The following TMEFF2 variants were observed in gnomAD, a reference collection of about 807,000 sequenced individuals.
The protein encoded by TMEFF2 is tomoregulin-2.
TMEFF2 carries 28 observed loss-of-function variants against 53.8 expected under a neutral mutation model. That is an observed-to-expected ratio of 0.52 (90% CI 0.39 to 0.71). TMEFF2 has a LOEUF of 0.71. Among genes scored for constraint, TMEFF2 ranks in the 30% least tolerant of loss-of-function variants. TMEFF2 has a pLI of 0.00. For synonymous variants in TMEFF2, 162 were observed against 166.3 expected, an observed-to-expected ratio of 0.97 and a Z score of 0.20; for missense variants, 353 against 455.2, an observed-to-expected ratio of 0.78 and a Z score of 2.04.
At chr2:192,167,774 G>T (rs560751089) in intron 4 of TMEFF2, among the ~76,000 whole-genome samples, 33 of 152,170 alleles carry the variant, frequency 2.2e-4, no homozygotes, top group African/African-American at 7.2e-4. Context: ...TCACTTTGCA[G>T]GTTTCTTCAG....
At chr2:192,082,098 C>A (rs539139560) in intron 4 of TMEFF2, among the ~76,000 whole-genome samples, 2 of 152,230 alleles carry the variant, frequency 1.3e-5, no homozygotes, top group African/African-American at 4.8e-5. Context: ...CCGTGCCCGG[C>A]CTATTTCCAT....
chr2:192,128,872 G>A (rs1008176680), intron 4 of TMEFF2, among the ~76,000 whole-genome samples: 4 of 151,220 alleles, frequency 2.6e-5, no homozygotes, highest in Non-Finnish European at 4.4e-5. Flanking sequence ...TTCATTCCAA[G>A]TGCTGCAGCG....
chr2:191,954,963 A>G (rs1041964826), intron 8 of TMEFF2, among the ~76,000 whole-genome samples: 6 of 152,122 alleles, frequency 3.9e-5, no homozygotes, highest in African/African-American at 1.4e-4. Context: ...CTACATCCTG[A>G]GAAATTTTTT....
chr2:192,158,009 C>T (rs2106007852), intron 4 of TMEFF2, among the ~76,000 whole-genome samples: 1 of 152,124 alleles, frequency 6.6e-6, no homozygotes, highest in South Asian at 2.1e-4. Context: ...TGGTACAATC[C>T]TTAGAGGCAG....
At chr2:192,160,899 A>C (rs914889069) in intron 4 of TMEFF2, among the ~76,000 whole-genome samples, 2 of 152,198 alleles carry the variant, frequency 1.3e-5, no homozygotes, top group South Asian at 4.1e-4. Context: ...GAAAGAGAGG[A>C]GAAAAAGAGA....
chr2:192,050,601 C>A (rs1431926826), intron 5 of TMEFF2, among the ~76,000 whole-genome samples: 3 of 151,360 alleles, frequency 2.0e-5, no homozygotes, highest in African/African-American at 7.4e-5. Flanking sequence ...CTTTTAACTT[C>A]AGTTTGCAGG....
At chr2:192,130,327 A>G (rs1689786115) in intron 4 of TMEFF2, among the ~76,000 whole-genome samples, 1 of 151,810 alleles carries the variant, frequency 6.6e-6, no homozygotes. Flanking sequence ...TAATAATGCA[A>G]TCTCCATAAT....
intron 4 of TMEFF2, among the ~76,000 whole-genome samples, chr2:192,171,347 T>G (rs911912179): frequency 6.6e-6 from 1 of 151,946 alleles, no homozygotes; most frequent in Non-Finnish European, 1.5e-5. Context: ...AACTTTATCT[T>G]TTTTTTCCTT....
In TMEFF2 at chr2:192,193,716, C is replaced by A. The variant is rs1160962638; in HGVS notation, c.172+637G>T. Among the ~76,000 whole-genome samples, 3 of 149,198 alleles carry A rather than the reference C, an allele frequency of 2.0e-5. 1 individual carries two copies. Among genetic ancestry groups the A allele is most frequent in the South Asian group, 4.2e-4 (2 of 4,706 alleles). On this transcript the variant is annotated intron_variant, in intron 1 of 9. Coordinates refer to ENST00000272771, the MANE Select transcript of TMEFF2 (RefSeq NM_016192.4). ...TGGACTGCAAAACCAATGTCTTTTG[C>A]CGCCTAGGAGAGAAGGGAATGAGAG...
At chr2:192,037,350 A>G (rs1687343331) in intron 5 of TMEFF2, among the ~76,000 whole-genome samples, 1 of 149,398 alleles carries the variant, frequency 6.7e-6, no homozygotes, top group South Asian at 2.1e-4. Flanking sequence ...AGAAAACAGA[A>G]AAAAAAACCT....
At chr2:192,010,041 C>T (rs900095202) in intron 5 of TMEFF2, among the ~76,000 whole-genome samples, 1 of 152,180 alleles carries the variant, frequency 6.6e-6, no homozygotes, top group Non-Finnish European at 1.5e-5. Flanking sequence ...TGCATGGAGA[C>T]ATTCCACTGG....
At chr2:191,957,512 T>A (rs1692142329) in intron 7 of TMEFF2, among the ~76,000 whole-genome samples, 1 of 152,212 alleles carries the variant, frequency 6.6e-6, no homozygotes, top group African/African-American at 2.4e-5. Context: ...ATGATAAGCA[T>A]ATTCATTGGA....
At chr2:191,982,678 G>A (rs1197786831) in intron 7 of TMEFF2, among the ~76,000 whole-genome samples, 1 of 152,096 alleles carries the variant, frequency 6.6e-6, no homozygotes, top group Non-Finnish European at 1.5e-5. Flanking sequence ...GACATACCAA[G>A]ATATTGCTTG....
rs1488135766 is a variant in TMEFF2 at position 192,037,293 on chromosome 2, GAAAGAAA to G, written c.536+20379_536+20385del. ...CAAAATAAAGAAAGAAAGAAAGAAA[GAAAGAAA>G]GAAAGAAAGAAAGAAAGAAAGAAAG... is the stretch of plus-strand genomic sequence containing the variant. On this transcript the variant is annotated intron_variant, in intron 5 of 9. Transcript: ENST00000272771. 3.7e-4 allele frequency among the ~76,000 whole-genome samples: 48 copies of G among 130,232 alleles called. 1 individual carries two copies. Among genetic ancestry groups the G allele is most frequent in the Admixed American group, 9.5e-4 (13 of 13,738 alleles). The allele number at this position is 130,232 out of a possible 152,430, so 85.4% of individuals were successfully genotyped here. A position where few individuals can be genotyped will look rare whatever the true frequency, so the allele number is the denominator to read the frequency against.
At chr2:192,131,983 C>T (rs1364431382) in intron 4 of TMEFF2, among the ~76,000 whole-genome samples, 1 of 152,118 alleles carries the variant, frequency 6.6e-6, no homozygotes, top group Non-Finnish European at 1.5e-5. Context: ...AGTCTCTGTG[C>T]CCAGTGCAAC....
chr2:192,143,042 T>A (rs901041161), intron 4 of TMEFF2, among the ~76,000 whole-genome samples: 10 of 152,150 alleles, frequency 6.6e-5, no homozygotes, highest in Admixed American at 2.0e-4. Flanking sequence ...CAGCTTCCCA[T>A]GAAAAATCAG....
chr2:192,065,346 A>G (rs150139154), intron 4 of TMEFF2, among the ~76,000 whole-genome samples: 8 of 152,000 alleles, frequency 5.3e-5, no homozygotes, highest in Non-Finnish European at 1.2e-4. Context: ...ATGTGCATAA[A>G]TAGAAGCATT....
intron 4 of TMEFF2, among the ~76,000 whole-genome samples, chr2:192,111,729 A>T (rs917837270): frequency 6.6e-6 from 1 of 152,144 alleles, no homozygotes; most frequent in African/African-American, 2.4e-5. Flanking sequence ...AGCCCCTCTC[A>T]TTGCAGGCCC....
At position 191,972,308 on chromosome 2, in the gene TMEFF2, C is replaced by CTTTT. The variant is rs764218539; in HGVS notation, c.746-15934_746-15931dup. ...TACAGGCACCCACCATCATGCCCAGCTTTTTTTTTTTTTTTTTTTTTTTTT... is the reference window on the plus strand; with the variant it reads ...TACAGGCACCCACCATCATGCCCAGCTTTTTTTTTTTTTTTTTTTTTTTTTTTTT... On this transcript the variant is annotated intron_variant, in intron 7 of 9. Transcript: ENST00000272771. Among the ~76,000 whole-genome samples the CTTTT allele has an allele frequency of 4.4e-4, 32 of 72,824 alleles. 1 individual carries two copies. Among genetic ancestry groups the CTTTT allele is most frequent in the Non-Finnish European group, 4.7e-4 (18 of 37,934 alleles). The allele number at this position is 72,824 out of a possible 152,430, so 47.8% of individuals were successfully genotyped here.
Sources: gnomAD v4.1 joint callset for allele counts (sites outside exome capture counted in the v4.1 genomes callset) on GRCh38, gnomAD v4.1.1 for gene constraint, MANE v1.5 for transcripts, NCBI Gene and HGNC (gene_info 2026-07-23, HGNC 2026-07-21) for gene names.